Variants in SARS2 observed in about 807,000 individuals in gnomAD.
SARS2 encodes the protein seryl-tRNA synthetase 2, mitochondrial, also known as serine--tRNA ligase, mitochondrial.
A neutral mutation model predicts 66.8 loss-of-function variants in SARS2; 52 were observed. The observed-to-expected ratio is 0.78, with a 90% CI of 0.62 to 0.98. SARS2 has a LOEUF of 0.98. Ranked by LOEUF, SARS2 falls within the 50% of genes least tolerant of loss-of-function variation. SARS2 has a pLI of 0.00. For synonymous variants in SARS2, 306 were observed against 281.4 expected (o/e 1.09, Z -0.87); for missense variants, 673 against 706.3 (o/e 0.95, Z 0.53).
At chr19:38,916,431 G>T in intron 12 of SARS2, 117 bp from the exon 13 acceptor site, 1 of 872,610 alleles carries the variant, frequency 1.1e-6, no homozygotes, top group Non-Finnish European at 1.9e-6. Flanking sequence ...CCAGGAGTTT[G>T]AGACCAGCCT....
chr19:38,916,343 G>C, intron 12 of SARS2, 29 bp from the exon 13 acceptor site: 1 of 1,590,992 alleles, frequency 6.3e-7, no homozygotes, highest in Non-Finnish European at 8.6e-7. Context: ...GTGTGGGGAA[G>C]GTCAGCGGGT....
rs563670346 is a variant in SARS2, at chr19:38,915,490, G to A, written c.*116C>T. The A allele has an allele frequency of 1.2e-3, 1,568 of 1,294,880 alleles. 29 individuals are homozygous for A. The South Asian group carries it at 0.019, about 16-fold the overall frequency. 80.2% of individuals were successfully genotyped at this position (1,294,880 alleles called of 1,614,324 possible). ...CGTGGTCCAGGGGCCCGGGCGTGGA[G>A]CTGACAGGAAGAACACAGATGTCAG... is the stretch of plus-strand genomic sequence containing the variant. On this transcript the variant is annotated 3_prime_UTR_variant, in exon 16 of 16. Transcript: ENST00000221431.
Position 38,915,605 on chromosome 19 carries a change from C to G in SARS2, c.*1G>C. ...CCCCGAGGGCTGCTGTGGGTGGGTT[C>G]TTAGCTTACAGCAGGCTGGCCAGGC... On this transcript the variant is annotated 3_prime_UTR_variant, in exon 16 of 16. Coordinates refer to ENST00000221431, the MANE Select transcript of SARS2 (RefSeq NM_017827.4). The G allele has an allele frequency of 6.2e-7, 1 of 1,611,940 alleles. No individual in the cohort carries two copies. The highest frequency in any genetic ancestry group is 8.5e-7 in the Non-Finnish European group (1 of 1,179,798).
At chr19:38,926,362 G>C in intron 1 of SARS2, 62 bp from the exon 2 acceptor site, 1 of 1,503,876 alleles carries the variant, frequency 6.6e-7, no homozygotes, top group South Asian at 1.1e-5. Context: ...TCTCTCTGGA[G>C]CCCACTGGCC....
chr19:38,921,070 T>TACAGACAC (rs1555743897), intron 5 of SARS2, among the ~76,000 whole-genome samples: 1 of 68,770 alleles, frequency 1.5e-5, no homozygotes, highest in Admixed American at 1.9e-4. Context: ...CACATACAGA[T>TACAGACAC]ACAGACACAC....
chr19:38,924,742 C>A (rs1283820986), intron 2 of SARS2, among the ~76,000 whole-genome samples: 1 of 152,188 alleles, frequency 6.6e-6, no homozygotes, highest in East Asian at 1.9e-4. Flanking sequence ...CTCTTGGACT[C>A]AAGCGATCTT....
chr19:38,922,883 A>G (rs1324082085), intron 2 of SARS2, among the ~76,000 whole-genome samples: 2 of 151,402 alleles, frequency 1.3e-5, no homozygotes, highest in South Asian at 2.1e-4. Context: ...TCTTTTCTTT[A>G]TAAATTACCC....
Position 38,915,897 on chromosome 19 carries a change from T to C in SARS2, c.1357A>G (p.Thr453Ala). 4 of 1,613,770 alleles carry C rather than the reference T, an allele frequency of 2.5e-6. No homozygotes were observed. Among genetic ancestry groups the C allele is most frequent in the Non-Finnish European group, 3.4e-6 (4 of 1,179,986 alleles). The change falls in exon 15 of 16, where the codon ACC (threonine) becomes GCC (alanine). Residue 453 changes from threonine (T) to alanine (A), a missense_variant. Thr to Ala is a moderately conservative substitution (Grantham distance 58, BLOSUM62 0). Coordinates refer to ENST00000221431, the MANE Select transcript of SARS2 (RefSeq NM_017827.4). ...AGAAGGCGGGGGACAGCACAGGCGG[T>C]GGCGTTCACCTGTGAGACAGCCATG... ...ELQFAHTVNA[T>A]ACAVPRLLIA...
chr19:38,930,449 G>A (rs915440167), intron 1 of SARS2, 21 bp downstream of exon 1: 1 of 1,581,458 alleles, frequency 6.3e-7, no homozygotes, highest in Non-Finnish European at 8.6e-7. Flanking sequence ...TGCGCCCCCC[G>A]GCCGGCGCAG....
At chr19:38,917,123 C>T (rs947755564) in intron 12 of SARS2, among the ~76,000 whole-genome samples, 27 of 152,040 alleles carry the variant, frequency 1.8e-4, no homozygotes, top group Non-Finnish European at 2.9e-4. Context: ...CCACCATACC[C>T]GGCTAATTTT....
intron 1 of SARS2, 27 bp from the exon 2 acceptor site, chr19:38,926,327 A>G: frequency 6.3e-7 from 1 of 1,596,288 alleles, no homozygotes; most frequent in Non-Finnish European, 8.5e-7. Flanking sequence ...AGAAAAGGAG[A>G]TGAAGCAGCC....
chr19:38,918,584 C>T (rs556576129), intron 8 of SARS2, 54 bp from the exon 9 acceptor site: 67 of 1,490,202 alleles, frequency 4.5e-5, no homozygotes, highest in Admixed American at 2.2e-4. Context: ...CCTGGCCTCT[C>T]GTTTTACAGT....
Position 38,930,717 on chromosome 19 carries a change from C to A in SARS2, c.20G>T (p.Arg7Leu). The change falls in exon 1 of 16, where the codon CGG (arginine) becomes CTG (leucine). Residue 7 changes from arginine (R) to leucine (L), a missense_variant. Coordinates refer to ENST00000221431, the MANE Select transcript of SARS2 (RefSeq NM_017827.4). MAASMA[R>L]RLWPLLTRRG... ...ACGAGTCAGCAAAGGCCACAAGCGC[C>A]GCGCCATGGACGCAGCCATCTTGGA... is the stretch of plus-strand genomic sequence containing the variant. 1.9e-6 allele frequency: 3 copies of A among 1,613,562 alleles called. No homozygotes were observed. The highest frequency in any genetic ancestry group is 2.5e-6 in the Non-Finnish European group (3 of 1,180,028).
Position 38,927,676 on chromosome 19 carries a change from C to T in SARS2, c.268-1376G>A, listed in dbSNP as rs146364018. Among the ~76,000 whole-genome samples, 415 of 152,304 alleles carry T rather than the reference C, an allele frequency of 2.7e-3. 1 individual carries two copies. The highest frequency in any genetic ancestry group is 0.012 in the East Asian group (62 of 5,184). ...ACACATTCCCAACAGCAATGCACAA[C>T]GATTCCGACGTTTCCACAACACAAT... On this transcript the variant is annotated intron_variant, in intron 1 of 15. Transcript: ENST00000221431.
chr19:38,929,200 A>G (rs1321592520), intron 1 of SARS2, among the ~76,000 whole-genome samples: 1 of 151,102 alleles, frequency 6.6e-6, no homozygotes, highest in Non-Finnish European at 1.5e-5. Flanking sequence ...CTCCATCTCA[A>G]AAAAAAAATG....
chr19:38,924,170 C>T (rs1237835477), intron 2 of SARS2, among the ~76,000 whole-genome samples: 1 of 151,950 alleles, frequency 6.6e-6, no homozygotes, highest in Non-Finnish European at 1.5e-5. Flanking sequence ...TATACCCTGT[C>T]TGTAGATTCG....
rs760052365 is a variant in SARS2 at position 38,917,952 on chromosome 19, C to T, written c.1019G>A (p.Arg340Gln). The T allele has an allele frequency of 1.1e-5, 18 of 1,609,014 alleles. No individual in the cohort carries two copies. The highest frequency in any genetic ancestry group is 2.2e-5 in the South Asian group (2 of 90,278). ...RAETNTGQEP[R>Q]GLYRVHHFTK... Reference sequence around the variant, plus strand: ...GAAGTGGTGTACTCGATACAGCCCCCGGGGTTCCTGTCCCGTGTTTGTCTC... The same window carrying T: ...GAAGTGGTGTACTCGATACAGCCCCTGGGGTTCCTGTCCCGTGTTTGTCTC... Residue 340 changes from arginine (R) to glutamine (Q), a missense_variant, in exon 11 of 16, where the codon CGG becomes CAG. Transcript: ENST00000221431.
At chr19:38,918,030 C>A (rs182782068) in intron 10 of SARS2, 22 bp from the exon 11 acceptor site, 13 of 1,599,720 alleles carry the variant, frequency 8.1e-6, no homozygotes, top group Non-Finnish European at 1.1e-5. Flanking sequence ...CAGGGAAAGT[C>A]GGGTCAAGGA....
chr19:38,922,210 T>G (rs1051637938), intron 3 of SARS2, 28 bp downstream of exon 3: 4 of 1,610,364 alleles, frequency 2.5e-6, no homozygotes, highest in Non-Finnish European at 3.4e-6. Context: ...CCCCCAACCC[T>G]GGATAGGACA....
Sources: gnomAD v4.1 joint callset for allele counts (sites outside exome capture counted in the v4.1 genomes callset) on GRCh38, gnomAD v4.1.1 for gene constraint, MANE v1.5 for transcripts, NCBI Gene and HGNC (gene_info 2026-07-23, HGNC 2026-07-21) for gene names.